Variants in FAAH2 observed in about 807,000 individuals in gnomAD.
FAAH2 encodes the protein fatty-acid amide hydrolase 2.
FAAH2 carries 60 observed loss-of-function variants against 36.9 expected under a neutral mutation model. That is an observed-to-expected ratio of 1.63 (90% CI 1.32 to 2.02). The LOEUF (loss-of-function observed/expected upper bound fraction) is 2.02, where lower values mean the gene tolerates loss of function less well. Among genes scored for constraint, FAAH2 ranks in the 30% most tolerant of loss-of-function variants. The pLI, the probability that FAAH2 is intolerant of heterozygous loss-of-function variation, is 0.00. For missense variants in FAAH2, 689 were observed against 397.5 expected, an observed-to-expected ratio of 1.73 and a Z score of -6.23; for synonymous variants, 214 against 143.8, an observed-to-expected ratio of 1.49 and a Z score of -3.49.
At chrX:57,249,564 G>A in the FAAH2 span, among the ~76,000 whole-genome samples, 40,427 of 110,740 alleles carry the variant, frequency 0.37, 6,323 homozygotes, top group Middle Eastern at 0.61. Context: ...TAATGTATAA[G>A]CAAGTGCTGA....
At chrX:57,459,869 T>C (rs1431454248) in intron 10 of FAAH2, among the ~76,000 whole-genome samples, 1 of 111,738 alleles carries the variant, frequency 8.9e-6, no homozygotes, top group Non-Finnish European at 1.9e-5. Flanking sequence ...CAAAGGTAGA[T>C]AAATCCACTA....
chrX:57,176,469 C>A, the FAAH2 span, among the ~76,000 whole-genome samples: 1 of 107,174 alleles, frequency 9.3e-6, no homozygotes, highest in Admixed American at 1.0e-4. Context: ...GAAGAATTTT[C>A]ACTCATATCC....
intron 7 of FAAH2, among the ~76,000 whole-genome samples, chrX:57,401,376 G>T (rs1325564772): frequency 6.3e-5 from 7 of 111,275 alleles, no homozygotes; most frequent in Non-Finnish European, 1.3e-4. Context: ...CAAGAATTGA[G>T]AGTCAGGATG....
chrX:57,367,009 C>T (rs1406314812), intron 5 of FAAH2, among the ~76,000 whole-genome samples: 3 of 112,427 alleles, frequency 2.7e-5, no homozygotes, highest in Non-Finnish European at 5.6e-5. Context: ...GCCAACTCTC[C>T]AGGCAGTTCT....
chrX:57,371,868 T>G lies in FAAH2; in HGVS notation c.743-6783T>G, dbSNP rs746676010. Among the ~76,000 whole-genome samples, 4 of 111,775 alleles carry G rather than the reference T, an allele frequency of 3.6e-5. No homozygotes were observed. In the East Asian group the frequency reaches 1.1e-3, roughly 32 times the overall value. On this transcript the variant is annotated intron_variant, in intron 5 of 10. Coordinates refer to ENST00000374900, the MANE Select transcript of FAAH2 (RefSeq NM_174912.4). ...ATTATGTCAATGTTTACCCAATGTT[T>G]AATTTACACTTATAAGTAAGAAGAT...
chrX:57,221,185 A>G, the FAAH2 span, among the ~76,000 whole-genome samples: 5 of 110,472 alleles, frequency 4.5e-5, no homozygotes, highest in Non-Finnish European at 9.5e-5. Context: ...CTCATGCCCA[A>G]CTACTCTCCT....
At chrX:57,375,106 G>A (rs1191111266) in intron 5 of FAAH2, among the ~76,000 whole-genome samples, 1 of 110,397 alleles carries the variant, frequency 9.1e-6, no homozygotes, top group East Asian at 2.8e-4. Context: ...TTGATATGAT[G>A]TTGGATTCAG....
intron 3 of FAAH2, among the ~76,000 whole-genome samples, chrX:57,321,036 AGGCTGAGGCAGGAGAAT>A (rs1400778860): frequency 9.1e-6 from 1 of 109,823 alleles, no homozygotes; most frequent in Non-Finnish European, 1.9e-5. Context: ...GCTACTCAGG[AGGCTGAGGCAGGAGAAT>A]GGCGTGAATC....
At chrX:57,373,730 C>A (rs2054606070) in intron 5 of FAAH2, among the ~76,000 whole-genome samples, 1 of 111,496 alleles carries the variant, frequency 9.0e-6, no homozygotes, top group African/African-American at 3.3e-5. Flanking sequence ...TTAATTAAGT[C>A]TCACCTCTTT....
chrX:57,173,936 T>C, the FAAH2 span, among the ~76,000 whole-genome samples: 7 of 111,740 alleles, frequency 6.3e-5, no homozygotes, highest in African/African-American at 9.7e-5. Context: ...TCATGGAGAA[T>C]TATCTTTTTG....
At chrX:57,325,426 T>G (rs1197327909) in intron 3 of FAAH2, among the ~76,000 whole-genome samples, 1 of 111,490 alleles carries the variant, frequency 9.0e-6, no homozygotes, top group East Asian at 2.8e-4. Context: ...ACCAGCTCCT[T>G]CTTGTACCTC....
At chrX:57,392,800 C>A (rs1023673548) in intron 7 of FAAH2, 3 of 640,962 alleles carry the variant, frequency 4.7e-6, no homozygotes, top group Non-Finnish European at 8.0e-6. Context: ...AGAATGAATC[C>A]TGTAGGGACA....
intron 7 of FAAH2, among the ~76,000 whole-genome samples, chrX:57,418,147 G>A (rs886244689): frequency 1.8e-5 from 2 of 111,976 alleles, no homozygotes; most frequent in African/African-American, 3.2e-5. Flanking sequence ...CAAGCCAGTG[G>A]GTCTTCACTT....
chrX:57,276,378 G>A, the FAAH2 span, among the ~76,000 whole-genome samples: 1 of 111,708 alleles, frequency 9.0e-6, no homozygotes, highest in Non-Finnish European at 1.9e-5. Flanking sequence ...AAACCAACAA[G>A]AACAAAGACT....
At chrX:57,223,049 G>A in the FAAH2 span, among the ~76,000 whole-genome samples, 533 of 111,975 alleles carry the variant, frequency 4.8e-3, no homozygotes, top group Non-Finnish European at 7.4e-3. Flanking sequence ...TCAAATTCTC[G>A]TTATACATTC....
chrX:57,165,434 G>A, the FAAH2 span, among the ~76,000 whole-genome samples: 5 of 110,677 alleles, frequency 4.5e-5, no homozygotes, highest in South Asian at 3.8e-4. Context: ...GTAAACTATC[G>A]CAAGAACAAA....
chrX:57,306,690 T>TTG lies in FAAH2; in HGVS notation c.276-3863_276-3862dup, dbSNP rs758466450. 9.7e-3 allele frequency among the ~76,000 whole-genome samples: 664 copies of TTG among 68,573 alleles called. 11 individuals carry two copies. The highest frequency in any genetic ancestry group is 0.04 in the African/African-American group (629 of 15,864). The allele number at this position is 68,573 out of a possible 115,157, so 59.5% of individuals were successfully genotyped here. Reference sequence around the variant, plus strand: ...TCAGTACAACGAGACTAGCAACATCTTGTGTGTGTGTGTGTGTGTGTGTGT... The same window carrying TTG: ...TCAGTACAACGAGACTAGCAACATCTTGTGTGTGTGTGTGTGTGTGTGTGTGT... On this transcript the variant is annotated intron_variant, in intron 2 of 10. Transcript: ENST00000374900.
the FAAH2 span, among the ~76,000 whole-genome samples, chrX:57,132,116 C>T: frequency 1.8e-5 from 2 of 112,426 alleles, no homozygotes; most frequent in Non-Finnish European, 3.8e-5. Context: ...GTATAAACAT[C>T]TGTCCTTTAT....
intron 8 of FAAH2, among the ~76,000 whole-genome samples, chrX:57,446,187 C>A (rs1472346922): frequency 8.9e-6 from 1 of 112,422 alleles, no homozygotes; most frequent in Non-Finnish European, 1.9e-5. Context: ...TGCTGATGGA[C>A]AATGAGGGAG....
Sources: allele counts gnomAD v4.1 joint callset (sites outside exome capture counted in the v4.1 genomes callset), GRCh38; gene constraint gnomAD v4.1.1; transcripts MANE v1.5; gene names NCBI Gene and HGNC (gene_info 2026-07-23, HGNC 2026-07-21).